COMMD1: variants seen among roughly 807,000 people sequenced by gnomAD.
COMMD1 encodes the protein copper metabolism domain containing 1.
In COMMD1, 10 loss-of-function variants were observed where a neutral mutation model predicts 17.2. The observed-to-expected ratio is 0.58, with a 90% confidence interval of 0.36 to 0.99. The LOEUF is 0.99. Ranked by LOEUF, COMMD1 falls within the 50% of genes least tolerant of loss-of-function variation. The pLI is 0.01. For missense variants in COMMD1, 270 were observed against 231.8 expected (o/e 1.17, Z -1.07); for synonymous variants, 97 against 91.6 (o/e 1.06, Z -0.34).
At chr2:62,088,720 G>A (rs1487759923) in intron 2 of COMMD1, among the ~76,000 whole-genome samples, 1 of 152,162 alleles carries the variant, frequency 6.6e-6, no homozygotes, top group African/African-American at 2.4e-5. Flanking sequence ...TGATGTCCAC[G>A]AAAAGAGCCA....
intron 2 of COMMD1, among the ~76,000 whole-genome samples, chr2:62,108,417 G>A (rs1672373240): frequency 6.6e-6 from 1 of 152,122 alleles, no homozygotes; most frequent in African/African-American, 2.4e-5. Flanking sequence ...AAGTGGTTAG[G>A]CCTGAGATCT....
intron 1 of COMMD1, among the ~76,000 whole-genome samples, chr2:61,892,215 G>A (rs897815212): frequency 2.0e-5 from 3 of 151,878 alleles, no homozygotes; most frequent in Non-Finnish European, 2.9e-5. Flanking sequence ...CCAAGCAGAC[G>A]TAAGGCATAT....
intron 2 of COMMD1, among the ~76,000 whole-genome samples, chr2:62,083,710 G>T (rs552422837): frequency 6.6e-6 from 1 of 152,354 alleles, no homozygotes; most frequent in Non-Finnish European, 1.5e-5. Flanking sequence ...AGAATTGTTT[G>T]TAGGTGAATT....
chr2:62,046,043 T>G (rs367761366), intron 2 of COMMD1, among the ~76,000 whole-genome samples: 1 of 152,290 alleles, frequency 6.6e-6, no homozygotes, highest in East Asian at 1.9e-4. Context: ...GGCCTCAGGT[T>G]AAATTATAAA....
At chr2:61,920,159 T>G (rs1670150919) in intron 1 of COMMD1, among the ~76,000 whole-genome samples, 1 of 152,184 alleles carries the variant, frequency 6.6e-6, no homozygotes, top group African/African-American at 2.4e-5. Context: ...TCATTTAAAT[T>G]TCCACAGGCT....
intron 2 of COMMD1, among the ~76,000 whole-genome samples, chr2:62,064,691 A>AT (rs1670976144): frequency 1.3e-5 from 2 of 151,880 alleles, no homozygotes; most frequent in South Asian, 4.2e-4. Flanking sequence ...AAATCCATTG[A>AT]TTTTCAACTC....
chr2:61,898,968 C>T (rs1384637227), intron 1 of COMMD1, among the ~76,000 whole-genome samples: 1 of 152,096 alleles, frequency 6.6e-6, no homozygotes, highest in Non-Finnish European at 1.5e-5. Context: ...GCAGCTGCTA[C>T]CAAGTTTCAA....
intron 2 of COMMD1, among the ~76,000 whole-genome samples, chr2:62,077,766 G>C (rs1055650761): frequency 1.3e-5 from 2 of 152,140 alleles, no homozygotes; most frequent in African/African-American, 2.4e-5. Flanking sequence ...AACCCAAGGT[G>C]GTCGGGGTGC....
intron 2 of COMMD1, among the ~76,000 whole-genome samples, chr2:62,009,268 G>A (rs1354084563): frequency 6.6e-6 from 1 of 151,868 alleles, no homozygotes; most frequent in Non-Finnish European, 1.5e-5. Context: ...GAATTTAAAG[G>A]TATAATTTAT....
chr2:62,109,756 A>G (rs1672405281), intron 2 of COMMD1, among the ~76,000 whole-genome samples: 2 of 152,142 alleles, frequency 1.3e-5, no homozygotes, highest in Admixed American at 6.6e-5. Context: ...AGGTGACTCC[A>G]CTAACCCTAA....
At chr2:62,025,141 A>G (rs544067169) in intron 2 of COMMD1, among the ~76,000 whole-genome samples, 55 of 151,874 alleles carry the variant, frequency 3.6e-4, no homozygotes, top group African/African-American at 1.2e-3. Context: ...AATCGCTTCA[A>G]CCCGGGAGGT....
chr2:61,965,677 T>G (rs1671486462), intron 1 of COMMD1, among the ~76,000 whole-genome samples: 1 of 152,206 alleles, frequency 6.6e-6, no homozygotes, highest in South Asian at 2.1e-4. Context: ...TTACTAAATG[T>G]GCAAAAATGG....
chr2:62,060,665 G>A (rs2103938374), intron 2 of COMMD1, among the ~76,000 whole-genome samples: 1 of 152,274 alleles, frequency 6.6e-6, no homozygotes, highest in Admixed American at 6.5e-5. Context: ...GTGCAGGTAT[G>A]TTGGGCAGGG....
At chr2:62,051,487 T>C (rs545693969) in intron 2 of COMMD1, among the ~76,000 whole-genome samples, 1 of 152,364 alleles carries the variant, frequency 6.6e-6, no homozygotes, top group Admixed American at 6.5e-5. Flanking sequence ...GGTCAGTGAC[T>C]GATGACAAAC....
chr2:62,016,215 T>C (rs1282645611), intron 2 of COMMD1, among the ~76,000 whole-genome samples: 1 of 145,634 alleles, frequency 6.9e-6, no homozygotes, highest in Non-Finnish European at 1.5e-5. Flanking sequence ...TCTTTTTTTT[T>C]TTTTTTTTTT....
chr2:62,044,361 A>G (rs1194277434), intron 2 of COMMD1, among the ~76,000 whole-genome samples: 2 of 152,160 alleles, frequency 1.3e-5, no homozygotes. Flanking sequence ...TCTTTATGTT[A>G]TGTCTGATAA....
Position 61,897,919 on chromosome 2 carries a change from C to G in COMMD1, n.119+9077C>G, listed in dbSNP as rs899542781. On this transcript the variant is annotated intron_variant and non_coding_transcript_variant, in intron 1 of 2. Coordinates refer to the COMMD1 transcript ENST00000472729. ...TGTTTCATGCCTCCATATATAGGGA[C>G]GAGTTATTTCATCTGCAGCATATTC... Among the ~76,000 whole-genome samples the G allele has an allele frequency of 2.6e-5, 4 of 151,998 alleles. No individual in the cohort carries two copies. In the East Asian group the frequency reaches 7.7e-4, roughly 29 times the overall value.
At chr2:62,054,155 T>C (rs1670621913) in intron 2 of COMMD1, among the ~76,000 whole-genome samples, 1 of 152,234 alleles carries the variant, frequency 6.6e-6, no homozygotes, top group Admixed American at 6.5e-5. Flanking sequence ...CAATGAGATA[T>C]CATCTTACCC....
intron 1 of COMMD1, among the ~76,000 whole-genome samples, chr2:61,935,953 A>G (rs1670597049): frequency 6.6e-6 from 1 of 151,842 alleles, no homozygotes; most frequent in Non-Finnish European, 1.5e-5. Flanking sequence ...AGTAGCTGGG[A>G]TTACAGGTGC....
Sources: gnomAD v4.1 joint callset for allele counts (sites outside exome capture counted in the v4.1 genomes callset) on GRCh38, gnomAD v4.1.1 for gene constraint, MANE v1.5 for transcripts, NCBI Gene and HGNC (gene_info 2026-07-23, HGNC 2026-07-21) for gene names.